The following NOL4 variants were observed in gnomAD, a reference collection of about 807,000 sequenced individuals.
NOL4 encodes the protein nucleolar protein 4.
In NOL4, 17 loss-of-function variants were observed where a neutral mutation model predicts 75.9. That is an observed-to-expected ratio of 0.22 (90% CI 0.15 to 0.34). The LOEUF is 0.34. Ranked by LOEUF, NOL4 falls within the 10% of genes least tolerant of loss-of-function variation. The probability of loss-of-function intolerance (pLI) is 1.00; values close to 1 mark genes in which losing one functional copy is unlikely to be tolerated. For synonymous variants in NOL4, 292 were observed against 289.9 expected, an observed-to-expected ratio of 1.01 and a Z score of -0.07; for missense variants, 614 against 793.5, an observed-to-expected ratio of 0.77 and a Z score of 2.72.
chr18:33,861,987 G>C (rs927157098), intron 10 of NOL4, among the ~76,000 whole-genome samples: 1 of 152,250 alleles, frequency 6.6e-6, no homozygotes, highest in African/African-American at 2.4e-5. Flanking sequence ...AAAGAACAAA[G>C]CTGGAGGCAT....
chr18:33,907,338 A>G (rs1433041270), intron 9 of NOL4, among the ~76,000 whole-genome samples: 1 of 151,634 alleles, frequency 6.6e-6, no homozygotes, highest in Non-Finnish European at 1.5e-5. Flanking sequence ...AAAAAAAAAA[A>G]AAAAAGACCT....
intron 10 of NOL4, among the ~76,000 whole-genome samples, chr18:33,856,738 A>G (rs2062854840): frequency 6.6e-6 from 1 of 152,132 alleles, no homozygotes; most frequent in Non-Finnish European, 1.5e-5. Flanking sequence ...ATCTTAAGCC[A>G]TGAGGCAGAA....
chr18:34,113,007 C>G (rs1310064513), intron 2 of NOL4, among the ~76,000 whole-genome samples: 1 of 152,146 alleles, frequency 6.6e-6, no homozygotes, highest in African/African-American at 2.4e-5. Flanking sequence ...GTCACAGGGT[C>G]TCTTTCTATT....
chr18:34,009,682 T>C (rs1280135870), intron 6 of NOL4, among the ~76,000 whole-genome samples: 1 of 151,950 alleles, frequency 6.6e-6, no homozygotes, highest in Non-Finnish European at 1.5e-5. Flanking sequence ...GAAATAATTA[T>C]GAACCCCAAA....
intron 1 of NOL4, among the ~76,000 whole-genome samples, chr18:34,170,457 G>A (rs2032921704): frequency 1.3e-5 from 2 of 152,078 alleles, no homozygotes; most frequent in South Asian, 2.1e-4. Flanking sequence ...CTCCCAAAGT[G>A]CTGGGATTGC....
At chr18:33,949,812 A>G (rs997305517) in intron 8 of NOL4, among the ~76,000 whole-genome samples, 32 of 152,060 alleles carry the variant, frequency 2.1e-4, no homozygotes, top group Admixed American at 6.6e-5. Flanking sequence ...ATTAATAATG[A>G]TCTTTTATGA....
chr18:34,073,971 T>C lies in NOL4; in HGVS notation c.772+19494A>G, dbSNP rs2077634216. Among the ~76,000 whole-genome samples, 6 of 151,706 alleles carry C rather than the reference T, an allele frequency of 4.0e-5. No individual in the cohort carries two copies. In the South Asian group the frequency reaches 1.2e-3, roughly 31 times the overall value. ...GGGGAGAAAGAATGGGTGAATGCTA[T>C]AAAAAGCCAATATATAATGTCTAAC... On this transcript the variant is annotated intron_variant, in intron 5 of 10. Coordinates refer to ENST00000261592, the MANE Select transcript of NOL4 (RefSeq NM_003787.5).
chr18:33,949,998 T>C (rs192660289), intron 8 of NOL4, among the ~76,000 whole-genome samples: 2 of 151,908 alleles, frequency 1.3e-5, no homozygotes, highest in Admixed American at 1.3e-4. Flanking sequence ...ATATTTTGTA[T>C]ATACTATATA....
intron 10 of NOL4, among the ~76,000 whole-genome samples, chr18:33,866,065 C>A (rs1036020134): frequency 6.6e-6 from 1 of 152,128 alleles, no homozygotes; most frequent in African/African-American, 2.4e-5. Context: ...TACTCCCCCA[C>A]CAAAGTTGTA....
At chr18:34,066,847 A>C (rs886898009) in intron 5 of NOL4, among the ~76,000 whole-genome samples, 1 of 152,072 alleles carries the variant, frequency 6.6e-6, no homozygotes, top group Non-Finnish European at 1.5e-5. Flanking sequence ...ATCAGAAAGA[A>C]GTCAGGAATT....
intron 5 of NOL4, among the ~76,000 whole-genome samples, chr18:34,032,006 C>T (rs1000373021): frequency 6.6e-6 from 1 of 152,238 alleles, no homozygotes; most frequent in African/African-American, 2.4e-5. Flanking sequence ...CAACACACTG[C>T]ACTCTTCCGG....
chr18:34,200,729 C>A (rs1048859615), intron 1 of NOL4, among the ~76,000 whole-genome samples: 2 of 151,198 alleles, frequency 1.3e-5, no homozygotes, highest in South Asian at 2.1e-4. Context: ...AGTCAGCTGC[C>A]AATATAAAAA....
chr18:34,182,101 T>C (rs377345699), intron 1 of NOL4, among the ~76,000 whole-genome samples: 1 of 151,598 alleles, frequency 6.6e-6, no homozygotes. Flanking sequence ...CACAAAAACT[T>C]ATACACAAAT....
At chr18:34,168,322 T>C (rs545234675) in intron 1 of NOL4, among the ~76,000 whole-genome samples, 5 of 151,814 alleles carry the variant, frequency 3.3e-5, no homozygotes, top group Non-Finnish European at 5.9e-5. Flanking sequence ...TGTGTGTAAA[T>C]ATTTAAATGT....
At chr18:34,130,056 A>G (rs1309930925) in intron 1 of NOL4, 36 bp from the exon 2 acceptor site, 6 of 1,478,038 alleles carry the variant, frequency 4.1e-6, no homozygotes, top group Non-Finnish European at 4.5e-6. Context: ...AACCCATAAG[A>G]TTAATAAACT....
intron 5 of NOL4, among the ~76,000 whole-genome samples, chr18:34,080,436 C>A (rs1165638932): frequency 6.6e-6 from 1 of 152,094 alleles, no homozygotes; most frequent in Non-Finnish European, 1.5e-5. Flanking sequence ...TTGTAAATGA[C>A]TTTATTATCT....
chr18:34,155,243 A>G (rs1161350938), intron 1 of NOL4, among the ~76,000 whole-genome samples: 2 of 152,036 alleles, frequency 1.3e-5, no homozygotes, highest in Non-Finnish European at 2.9e-5. Flanking sequence ...ATGAAAAGAA[A>G]GAAAAATGTT....
intron 5 of NOL4, among the ~76,000 whole-genome samples, chr18:34,032,488 T>C (rs1173619065): frequency 1.3e-5 from 2 of 151,942 alleles, no homozygotes; most frequent in Non-Finnish European, 1.5e-5. Flanking sequence ...ACATGAACAC[T>C]CCTCCTGGGG....
chr18:34,020,551 AC>A (rs1429940625), intron 5 of NOL4, among the ~76,000 whole-genome samples: 1 of 152,216 alleles, frequency 6.6e-6, no homozygotes, highest in Non-Finnish European at 1.5e-5. Context: ...TTGTAGGTAA[AC>A]ATTTATACCA....
Sources: allele counts gnomAD v4.1 joint callset (sites outside exome capture counted in the v4.1 genomes callset), GRCh38; gene constraint gnomAD v4.1.1; transcripts MANE v1.5; gene names NCBI Gene and HGNC (gene_info 2026-07-23, HGNC 2026-07-21).